STXBP5L: variants seen among roughly 807,000 people sequenced by gnomAD.
STXBP5L encodes the protein syntaxin binding protein 5L, also known as syntaxin-binding protein 5-like.
In STXBP5L, 65 loss-of-function variants were observed where a neutral mutation model predicts 144.5. The observed-to-expected ratio is 0.45, with a 90% CI of 0.37 to 0.55. The LOEUF is 0.55. Among genes scored for constraint, STXBP5L ranks in the 20% least tolerant of loss-of-function variants. The probability of loss-of-function intolerance (pLI) is 0.00; values close to 1 mark genes in which losing one functional copy is unlikely to be tolerated. For synonymous variants in STXBP5L, 505 were observed against 469.6 expected (o/e 1.08, Z -0.97); for missense variants, 1,298 against 1,405.5 (o/e 0.92, Z 1.22).
At chr3:121,044,049 A>T (rs185826829) in intron 4 of STXBP5L, among the ~76,000 whole-genome samples, 6 of 152,318 alleles carry the variant, frequency 3.9e-5, no homozygotes, top group African/African-American at 1.4e-4. Flanking sequence ...TACAAATAAA[A>T]CAGGCAAACA....
intron 3 of STXBP5L, among the ~76,000 whole-genome samples, chr3:120,977,083 C>G (rs556194405): frequency 1.3e-5 from 2 of 152,286 alleles, no homozygotes; most frequent in African/African-American, 2.4e-5. Context: ...GAGCTGAGTT[C>G]AATTCCTGGT....
intron 9 of STXBP5L, among the ~76,000 whole-genome samples, chr3:121,164,104 T>G (rs575829910): frequency 2.0e-5 from 3 of 152,286 alleles, no homozygotes; most frequent in African/African-American, 7.2e-5. Flanking sequence ...CACTAGCAGT[T>G]CATTTCCATC....
chr3:121,085,204 G>T (rs1474588365), intron 5 of STXBP5L, among the ~76,000 whole-genome samples: 1 of 152,120 alleles, frequency 6.6e-6, no homozygotes, highest in Non-Finnish European at 1.5e-5. Flanking sequence ...TTGCTGTGCA[G>T]AAGCTCTTTA....
intron 3 of STXBP5L, among the ~76,000 whole-genome samples, chr3:120,997,528 AATGATTGAAC>A (rs1943446138): frequency 6.6e-6 from 1 of 152,024 alleles, no homozygotes; most frequent in Non-Finnish European, 1.5e-5. Context: ...GCATTTCTCT[AATGATTGAAC>A]ATTTTTTCAT....
At chr3:121,077,116 T>C (rs989378895) in intron 5 of STXBP5L, among the ~76,000 whole-genome samples, 1 of 152,222 alleles carries the variant, frequency 6.6e-6, no homozygotes, top group Non-Finnish European at 1.5e-5. Context: ...CCTCTGTCCC[T>C]GAAACAGTTT....
chr3:121,022,154 A>T (rs190520458), intron 3 of STXBP5L, among the ~76,000 whole-genome samples: 12 of 152,248 alleles, frequency 7.9e-5, no homozygotes, highest in Non-Finnish European at 1.8e-4. Flanking sequence ...ATGTGCATAA[A>T]CTAGAAAACC....
intron 14 of STXBP5L, among the ~76,000 whole-genome samples, chr3:121,244,960 T>C (rs560242326): frequency 6.6e-6 from 1 of 152,148 alleles, no homozygotes; most frequent in South Asian, 2.1e-4. Flanking sequence ...ACAAACACAC[T>C]AGACAACACC....
At chr3:121,006,629 C>T (rs992197017) in intron 3 of STXBP5L, among the ~76,000 whole-genome samples, 1 of 152,152 alleles carries the variant, frequency 6.6e-6, no homozygotes, top group Non-Finnish European at 1.5e-5. Flanking sequence ...TTAGTTGATA[C>T]AGTTTCTTCC....
chr3:121,180,444 T>C (rs2047096246), intron 9 of STXBP5L, among the ~76,000 whole-genome samples: 1 of 152,194 alleles, frequency 6.6e-6, no homozygotes, highest in Non-Finnish European at 1.5e-5. Flanking sequence ...GAGTTTTGAA[T>C]CTTGAAACAA....
At chr3:121,382,211 G>C (rs1452843587) in intron 22 of STXBP5L, among the ~76,000 whole-genome samples, 2 of 151,652 alleles carry the variant, frequency 1.3e-5, no homozygotes, top group African/African-American at 4.8e-5. Flanking sequence ...TTTTCAGATA[G>C]TTTTTAAGTC....
At chr3:120,953,325 CTTTTTT>C (rs397875191) in intron 2 of STXBP5L, among the ~76,000 whole-genome samples, 1 of 105,742 alleles carries the variant, frequency 9.5e-6, no homozygotes. Context: ...TCACAATTGA[CTTTTTT>C]TTTTTTTTTT....
At chr3:121,368,783 T>A (rs2045941118) in intron 20 of STXBP5L, among the ~76,000 whole-genome samples, 2 of 152,198 alleles carry the variant, frequency 1.3e-5, no homozygotes. Flanking sequence ...ATTTTCTAAT[T>A]TTCCCTGTAT....
chr3:121,370,737 CTAT>C (rs1398769825), intron 20 of STXBP5L, among the ~76,000 whole-genome samples: 1 of 152,150 alleles, frequency 6.6e-6, no homozygotes, highest in Non-Finnish European at 1.5e-5. Flanking sequence ...TTTTCTGACT[CTAT>C]TATTTCAGAA....
chr3:120,979,277 G>C (rs921868855), intron 3 of STXBP5L, among the ~76,000 whole-genome samples: 1 of 152,192 alleles, frequency 6.6e-6, no homozygotes, highest in East Asian at 1.9e-4. Context: ...CAGCCTCACT[G>C]CCGCCTTGCA....
chr3:121,404,474 G>A (rs2046953251), intron 22 of STXBP5L, among the ~76,000 whole-genome samples: 1 of 152,074 alleles, frequency 6.6e-6, no homozygotes, highest in Non-Finnish European at 1.5e-5. Context: ...TTACATGAAA[G>A]TTAGATTACA....
chr3:121,325,872 G>A (rs953072288), intron 20 of STXBP5L, among the ~76,000 whole-genome samples: 8 of 151,734 alleles, frequency 5.3e-5, no homozygotes, highest in Non-Finnish European at 7.4e-5. Flanking sequence ...GCTAAGAAAA[G>A]ATTCTATAGC....
intron 7 of STXBP5L, among the ~76,000 whole-genome samples, chr3:121,127,955 A>G (rs1290461863): frequency 6.6e-6 from 1 of 152,084 alleles, no homozygotes; most frequent in East Asian, 1.9e-4. Context: ...GACCACCTCC[A>G]GTATCATTAC....
At chr3:121,410,870 T>G (rs1047030902) in intron 23 of STXBP5L, among the ~76,000 whole-genome samples, 15 of 152,118 alleles carry the variant, frequency 9.9e-5, no homozygotes, top group Non-Finnish European at 2.1e-4. Context: ...TCTTTCTCTT[T>G]TCCTACCTGA....
At chr3:121,138,434 G>A (rs141278601) in intron 7 of STXBP5L, among the ~76,000 whole-genome samples, 2 of 152,180 alleles carry the variant, frequency 1.3e-5, no homozygotes, top group East Asian at 3.9e-4. Flanking sequence ...AACCATAAGA[G>A]ACTCTAAATA....
Sources: gnomAD v4.1 joint callset for allele counts (sites outside exome capture counted in the v4.1 genomes callset) on GRCh38, gnomAD v4.1.1 for gene constraint, MANE v1.5 for transcripts, NCBI Gene and HGNC (gene_info 2026-07-23, HGNC 2026-07-21) for gene names.